The following XRCC4 variants were observed in gnomAD, a reference collection of about 807,000 sequenced individuals.
XRCC4 encodes the protein X-ray repair cross complementing 4, also known as DNA repair protein XRCC4.
A neutral mutation model predicts 39.1 loss-of-function variants in XRCC4; 28 were observed. That is an observed-to-expected ratio of 0.72 (90% CI 0.53 to 0.98). XRCC4 has a LOEUF of 0.98. XRCC4 is among the 50% of genes least tolerant of loss of function. The pLI is 0.00. For synonymous variants in XRCC4, 123 were observed against 126.4 expected (o/e 0.97, Z 0.18); for missense variants, 350 against 376.4 (o/e 0.93, Z 0.58).
At chr5:83,116,606 C>CT (rs1746721377) in intron 3 of XRCC4, among the ~76,000 whole-genome samples, 2 of 124,754 alleles carry the variant, frequency 1.6e-5, no homozygotes, top group East Asian at 2.5e-4. Context: ...GTTTCTCTCT[C>CT]TCTTTTTTTT....
chr5:83,279,543 A>G (rs1392062063), intron 7 of XRCC4, among the ~76,000 whole-genome samples: 1 of 152,186 alleles, frequency 6.6e-6, no homozygotes, highest in Non-Finnish European at 1.5e-5. Flanking sequence ...GCCCTATCAC[A>G]ATAAGTTACA....
intron 7 of XRCC4, among the ~76,000 whole-genome samples, chr5:83,324,212 A>G (rs1219485725): frequency 6.6e-6 from 1 of 152,118 alleles, no homozygotes; most frequent in Non-Finnish European, 1.5e-5. Flanking sequence ...AATAAGGTGA[A>G]TATGTTAACT....
intron 7 of XRCC4, among the ~76,000 whole-genome samples, chr5:83,263,168 A>G (rs1205075568): frequency 6.7e-6 from 1 of 150,240 alleles, no homozygotes; most frequent in African/African-American, 2.4e-5. Context: ...TACAAAGGAC[A>G]TGAACTCATC....
chr5:83,354,476 T>C (rs1201229658), downstream of XRCC4, among the ~76,000 whole-genome samples: 4 of 152,232 alleles, frequency 2.6e-5, no homozygotes, highest in Non-Finnish European at 4.4e-5. Context: ...TACATACATA[T>C]ACATGGATAT....
At position 83,128,081 on chromosome 5, in the gene XRCC4, C is replaced by G. The variant is rs532105202; in HGVS notation, c.315+16878C>G. Among the ~76,000 whole-genome samples, 31 of 151,940 alleles carry G rather than the reference C, an allele frequency of 2.0e-4. No individual in the cohort carries two copies. In the South Asian group the frequency reaches 6.0e-3, roughly 29 times the overall value. On this transcript the variant is annotated intron_variant, in intron 3 of 7. Transcript: ENST00000396027. ...GTTGCTGTGCTGCACCCATTAACTC[C>G]TCATTTACATTAGGTATATCTCCTA... is the stretch of plus-strand genomic sequence containing the variant.
At chr5:83,273,988 G>A (rs545197388) in intron 7 of XRCC4, among the ~76,000 whole-genome samples, 4 of 151,986 alleles carry the variant, frequency 2.6e-5, no homozygotes, top group African/African-American at 9.7e-5. Context: ...CTGCTCCTGT[G>A]TCTGGGCTCA....
At chr5:83,324,744 C>G (rs779057836) in intron 7 of XRCC4, among the ~76,000 whole-genome samples, 1 of 152,040 alleles carries the variant, frequency 6.6e-6, no homozygotes, top group African/African-American at 2.4e-5. Flanking sequence ...ATGATTAGCC[C>G]TAAGACTCTG....
Position 83,117,810 on chromosome 5 carries a change from C to T in XRCC4, c.315+6607C>T, listed in dbSNP as rs553024605. Among the ~76,000 whole-genome samples the T allele has an allele frequency of 4.0e-5, 6 of 151,856 alleles. No homozygotes were observed. In the South Asian group the frequency reaches 1.0e-3, roughly 26 times the overall value. On this transcript the variant is annotated intron_variant, in intron 3 of 7. Coordinates refer to ENST00000396027, the MANE Select transcript of XRCC4 (RefSeq NM_003401.5). ...GGTTTGTTACATAGGTAGACGTGTG[C>T]CATGGTGGTTTGCTGCACTTATGAA...
intron 6 of XRCC4, among the ~76,000 whole-genome samples, chr5:83,255,625 C>T (rs1753508525): frequency 6.6e-6 from 1 of 152,044 alleles, no homozygotes; most frequent in Admixed American, 6.6e-5. Flanking sequence ...TAATAAAATT[C>T]TCAAATTAAA....
At chr5:83,079,730 C>T (rs1475181017) in intron 1 of XRCC4, among the ~76,000 whole-genome samples, 1 of 151,978 alleles carries the variant, frequency 6.6e-6, no homozygotes, top group Non-Finnish European at 1.5e-5. Flanking sequence ...AGACAGGGCT[C>T]ACTATGTTGC....
chr5:83,177,396 G>A (rs1011005334), intron 3 of XRCC4, among the ~76,000 whole-genome samples: 4 of 150,800 alleles, frequency 2.7e-5, no homozygotes, highest in African/African-American at 7.3e-5. Flanking sequence ...AGGTAGTAAA[G>A]CAGTAACACT....
At chr5:83,209,995 T>G (rs1751578066) in intron 6 of XRCC4, among the ~76,000 whole-genome samples, 1 of 152,174 alleles carries the variant, frequency 6.6e-6, no homozygotes, top group Admixed American at 6.5e-5. Context: ...AGGCTTTCAC[T>G]TAGTTGGTAG....
At chr5:83,309,016 A>C (rs1383084158) in intron 7 of XRCC4, among the ~76,000 whole-genome samples, 1 of 151,864 alleles carries the variant, frequency 6.6e-6, no homozygotes, top group African/African-American at 2.4e-5. Flanking sequence ...ACGGTGGCTC[A>C]CGCCTGTAAT....
At chr5:83,083,656 A>T (rs1237578775) in intron 1 of XRCC4, among the ~76,000 whole-genome samples, 1 of 150,526 alleles carries the variant, frequency 6.6e-6, no homozygotes, top group African/African-American at 2.4e-5. Flanking sequence ...GATTACAGGC[A>T]TGAAGGTGCT....
At chr5:83,144,532 T>G (rs1177193850) in intron 3 of XRCC4, among the ~76,000 whole-genome samples, 1 of 141,098 alleles carries the variant, frequency 7.1e-6, no homozygotes, top group Non-Finnish European at 1.5e-5. Flanking sequence ...TTTGTTTGTT[T>G]GTTTGTTTTG....
intron 3 of XRCC4, among the ~76,000 whole-genome samples, chr5:83,166,460 G>T (rs991955782): frequency 1.2e-4 from 17 of 142,252 alleles, no homozygotes; most frequent in South Asian, 2.2e-4. Context: ...GTTCCTGTTT[G>T]TTTTTTTTTT....
intron 6 of XRCC4, among the ~76,000 whole-genome samples, chr5:83,220,767 G>A (rs1752052609): frequency 6.6e-6 from 1 of 151,970 alleles, no homozygotes; most frequent in African/African-American, 2.4e-5. Context: ...TATAATTTGG[G>A]GAGTGACAAA....
chr5:83,330,617 T>C (rs1333038516), intron 7 of XRCC4, among the ~76,000 whole-genome samples: 1 of 151,978 alleles, frequency 6.6e-6, no homozygotes, highest in South Asian at 2.1e-4. Flanking sequence ...GGGGAGCAGA[T>C]TGGATATAAC....
chr5:83,373,380 A>G, the XRCC4 span, among the ~76,000 whole-genome samples: 2 of 152,136 alleles, frequency 1.3e-5, no homozygotes, highest in Non-Finnish European at 2.9e-5. Context: ...CTGAGCATAG[A>G]ATTCATATTG....
Sources: gnomAD v4.1 joint callset for allele counts (sites outside exome capture counted in the v4.1 genomes callset) on GRCh38, gnomAD v4.1.1 for gene constraint, MANE v1.5 for transcripts, NCBI Gene and HGNC (gene_info 2026-07-23, HGNC 2026-07-21) for gene names.